The following PBX3 variants were observed in gnomAD, a reference collection of about 807,000 sequenced individuals.
PBX3 encodes the protein PBX homeobox 3.
A neutral mutation model predicts 48.5 loss-of-function variants in PBX3; 14 were observed. The observed-to-expected ratio is 0.29, with a 90% CI of 0.19 to 0.45. PBX3 has a LOEUF of 0.45. Ranked by LOEUF, PBX3 falls within the 20% of genes least tolerant of loss-of-function variation. The probability of loss-of-function intolerance (pLI) is 1.00; values close to 1 mark genes in which losing one functional copy is unlikely to be tolerated. For synonymous variants in PBX3, 210 were observed against 200.3 expected, an observed-to-expected ratio of 1.05 and a Z score of -0.41; for missense variants, 386 against 546.7, an observed-to-expected ratio of 0.71 and a Z score of 2.93.
At chr9:125,917,332 C>A (rs1264105105) in intron 3 of PBX3, among the ~76,000 whole-genome samples, 2 of 152,174 alleles carry the variant, frequency 1.3e-5, no homozygotes, top group Admixed American at 6.5e-5. Flanking sequence ...CAGCATCCCC[C>A]ACCAGAGGGG....
chr9:125,962,979 G>A, intron 7 of PBX3, 33 bp from the exon 8 acceptor site: 1 of 1,195,908 alleles, frequency 8.4e-7, no homozygotes, highest in South Asian at 1.3e-5. Flanking sequence ...TAATAGATTT[G>A]GGATGATGAA....
chr9:125,782,810 C>G (rs1837357544), intron 2 of PBX3, among the ~76,000 whole-genome samples: 1 of 152,086 alleles, frequency 6.6e-6, no homozygotes, highest in South Asian at 2.1e-4. Flanking sequence ...TTTTGACGGA[C>G]AATTTTACCA....
intron 2 of PBX3, among the ~76,000 whole-genome samples, chr9:125,888,088 G>A (rs1187382832): frequency 6.6e-6 from 1 of 152,174 alleles, no homozygotes; most frequent in East Asian, 1.9e-4. Context: ...CTGAAGCATG[G>A]TGAGGAATAT....
Position 125,955,982 on chromosome 9 carries a change from C to T in PBX3, c.844-4702C>T, listed in dbSNP as rs1036251130. ...ATTTAAAAAAGAAAAGCTGACGGGGCGTCCTGGGGCTGAATTCTAGATCCA... is the reference window on the plus strand; with the variant it reads ...ATTTAAAAAAGAAAAGCTGACGGGGTGTCCTGGGGCTGAATTCTAGATCCA... On this transcript the variant is annotated intron_variant, in intron 5 of 8. Transcript: ENST00000373489. Among the ~76,000 whole-genome samples, 12 of 152,158 alleles carry T rather than the reference C, an allele frequency of 7.9e-5. No individual in the cohort carries two copies. In the South Asian group the frequency reaches 8.3e-4, roughly 10 times the overall value.
chr9:125,782,336 G>A (rs552599110), intron 2 of PBX3, among the ~76,000 whole-genome samples: 60 of 152,030 alleles, frequency 3.9e-4, no homozygotes, highest in African/African-American at 1.3e-3. Flanking sequence ...ATTCAATTAC[G>A]TCCCACCCCT....
At chr9:125,877,360 G>T (rs1012173109) in intron 2 of PBX3, among the ~76,000 whole-genome samples, 3 of 152,034 alleles carry the variant, frequency 2.0e-5, no homozygotes, top group African/African-American at 7.3e-5. Context: ...AATCTATTTG[G>T]GTTTGCAATT....
At chr9:125,795,839 T>A (rs1360113717) in intron 2 of PBX3, among the ~76,000 whole-genome samples, 1 of 152,186 alleles carries the variant, frequency 6.6e-6, no homozygotes, top group Non-Finnish European at 1.5e-5. Flanking sequence ...CTTTAAGTGG[T>A]GTCCTTTTTA....
intron 2 of PBX3, among the ~76,000 whole-genome samples, chr9:125,886,535 G>T (rs1053817944): frequency 6.6e-6 from 1 of 152,114 alleles, no homozygotes; most frequent in Admixed American, 6.6e-5. Flanking sequence ...CTGAACAAGG[G>T]AATTCAACGG....
At chr9:125,893,081 T>C (rs1840687963) in intron 2 of PBX3, among the ~76,000 whole-genome samples, 1 of 152,202 alleles carries the variant, frequency 6.6e-6, no homozygotes, top group Non-Finnish European at 1.5e-5. Flanking sequence ...GTAAACATCA[T>C]AAACAATGGT....
At chr9:125,899,632 G>A (rs1043632751) in intron 2 of PBX3, among the ~76,000 whole-genome samples, 1 of 151,084 alleles carries the variant, frequency 6.6e-6, no homozygotes, top group Non-Finnish European at 1.5e-5. Flanking sequence ...ACCTCAGTTG[G>A]CAGAACATCA....
chr9:125,863,385 T>A (rs1054755124), intron 2 of PBX3, among the ~76,000 whole-genome samples: 1 of 152,042 alleles, frequency 6.6e-6, no homozygotes, highest in African/African-American at 2.4e-5. Flanking sequence ...TTGTTTTTTG[T>A]ATTTTTAGTA....
chr9:125,750,496 AACC>A (rs1280934826), intron 2 of PBX3, among the ~76,000 whole-genome samples: 16 of 152,372 alleles, frequency 1.1e-4, no homozygotes, highest in Admixed American at 7.2e-4. Context: ...AAGTATAGTC[AACC>A]ACATGTCAAA....
intron 2 of PBX3, among the ~76,000 whole-genome samples, chr9:125,794,516 C>T (rs1237088342): frequency 6.6e-6 from 1 of 151,694 alleles, no homozygotes; most frequent in East Asian, 1.9e-4. Flanking sequence ...TGAATGATGC[C>T]CTATATGGTA....
intron 2 of PBX3, among the ~76,000 whole-genome samples, chr9:125,785,521 C>T (rs1213825101): frequency 6.6e-6 from 1 of 152,160 alleles, no homozygotes; most frequent in Non-Finnish European, 1.5e-5. Flanking sequence ...GCTTCTGGGC[C>T]TTTGGTCACA....
At chr9:125,880,268 C>G (rs1840351441) in intron 2 of PBX3, among the ~76,000 whole-genome samples, 2 of 152,208 alleles carry the variant, frequency 1.3e-5, no homozygotes. Context: ...TGGTCTTGAA[C>G]TCCTGACCTC....
chr9:125,940,712 A>C (rs1841942839), intron 5 of PBX3, among the ~76,000 whole-genome samples: 1 of 152,260 alleles, frequency 6.6e-6, no homozygotes, highest in Non-Finnish European at 1.5e-5. Flanking sequence ...AATGCTAAGT[A>C]AAAGAAGTGC....
intron 3 of PBX3, among the ~76,000 whole-genome samples, chr9:125,917,824 A>G (rs73668728): frequency 0.062 from 9,431 of 152,214 alleles, 680 homozygotes; most frequent in East Asian, 0.17. Context: ...GGATTTTCTG[A>G]GATCTAAAAT....
intron 2 of PBX3, among the ~76,000 whole-genome samples, chr9:125,856,644 G>C (rs1385030835): frequency 6.6e-6 from 1 of 152,200 alleles, no homozygotes; most frequent in Non-Finnish European, 1.5e-5. Flanking sequence ...TTGACAAACT[G>C]CTCTTAAAGC....
At chr9:125,847,145 T>C (rs935162613) in intron 2 of PBX3, among the ~76,000 whole-genome samples, 1 of 152,046 alleles carries the variant, frequency 6.6e-6, no homozygotes, top group African/African-American at 2.4e-5. Context: ...GTGGCTCATA[T>C]TGTCTGCTTT....
Sources: allele counts gnomAD v4.1 joint callset (sites outside exome capture counted in the v4.1 genomes callset), GRCh38; gene constraint gnomAD v4.1.1; transcripts MANE v1.5; gene names NCBI Gene and HGNC (gene_info 2026-07-23, HGNC 2026-07-21).